The following MRPS14 variants were observed in gnomAD, a reference collection of about 807,000 sequenced individuals.
MRPS14 encodes the protein small ribosomal subunit protein uS14m.
Under a neutral mutation model 16.4 loss-of-function variants are expected in MRPS14, and 14 were observed. That is an observed-to-expected ratio of 0.85 (90% CI 0.56 to 1.33). The LOEUF (loss-of-function observed/expected upper bound fraction) is 1.33, where lower values mean the gene tolerates loss of function less well. Among genes scored for constraint, MRPS14 ranks in the 40% most tolerant of loss-of-function variants. The probability of loss-of-function intolerance (pLI) is 0.00; values close to 1 mark genes in which losing one functional copy is unlikely to be tolerated. For synonymous variants in MRPS14, 54 were observed against 61.9 expected, an observed-to-expected ratio of 0.87 and a Z score of 0.60; for missense variants, 162 against 176.8, an observed-to-expected ratio of 0.92 and a Z score of 0.48.
At chr1:175,018,315 C>T (rs888309548) in intron 2 of MRPS14, 103 bp downstream of exon 2, 1 of 1,143,534 alleles carries the variant, frequency 8.7e-7, no homozygotes, top group African/African-American at 1.6e-5. Context: ...TCTTATTCTC[C>T]AGAAATTATA....
rs967992491 is a variant in MRPS14 at position 175,013,011 on chromosome 1, T to C, written c.*1658A>G. 1 of 152,184 alleles carries C rather than the reference T, an allele frequency of 6.6e-6. No individual in the cohort carries two copies. Among genetic ancestry groups the C allele is most frequent in the African/African-American group, 2.4e-5 (1 of 41,432 alleles). 9.4% of individuals were successfully genotyped at this position (152,184 alleles called of 1,614,324 possible). On this transcript the variant is annotated 3_prime_UTR_variant, in exon 3 of 3. Coordinates refer to ENST00000476371, the MANE Select transcript of MRPS14 (RefSeq NM_022100.3). ...GGAAGTACACAAAATGTTCAAACTA[T>C]AGCATGTATATATATCAAGTTGGCA...
chr1:175,019,511 G>A (rs924525661), intron 1 of MRPS14, among the ~76,000 whole-genome samples: 1 of 152,048 alleles, frequency 6.6e-6, no homozygotes, highest in Non-Finnish European at 1.5e-5. Context: ...GGCCACGCTG[G>A]TCTTGAACTC....
At chr1:175,018,703 A>C (rs1672926297) in intron 1 of MRPS14, 127 bp from the exon 2 acceptor site, 4 of 776,746 alleles carry the variant, frequency 5.1e-6, no homozygotes, top group Non-Finnish European at 7.7e-6. Flanking sequence ...GTTTTAGATC[A>C]GTTTAATAGT....
At chr1:175,021,684 C>G (rs1051678101) in intron 1 of MRPS14, among the ~76,000 whole-genome samples, 3 of 152,136 alleles carry the variant, frequency 2.0e-5, no homozygotes, top group African/African-American at 7.2e-5. Flanking sequence ...ACCATCAACT[C>G]TCTGGCCCCT....
At chr1:175,019,571 T>C (rs1007282361) in intron 1 of MRPS14, among the ~76,000 whole-genome samples, 9 of 152,176 alleles carry the variant, frequency 5.9e-5, no homozygotes. Flanking sequence ...GCTGAGATTA[T>C]AGGCATGAGC....
rs942194060 is a variant in MRPS14 at position 175,020,272 on chromosome 1, T to C, written c.46-1696A>G. Among the ~76,000 whole-genome samples, 4 of 152,250 alleles carry C rather than the reference T, an allele frequency of 2.6e-5. No individual in the cohort carries two copies. In the East Asian group the frequency reaches 7.7e-4, roughly 29 times the overall value. ...CATGGAAAAGAACAAGATATATTCA[T>C]AAGATCAAGGAGAAATCAAAGAAAC... On this transcript the variant is annotated intron_variant, in intron 1 of 2. Coordinates refer to ENST00000476371, the MANE Select transcript of MRPS14 (RefSeq NM_022100.3).
In MRPS14 at chr1:175,014,928, ATTTTC is replaced by A. The variant is rs1323285354; in HGVS notation, c.205-82_205-78del. 1.9e-3 allele frequency: 2,190 copies of A among 1,135,556 alleles called. 102 individuals carry two copies. Among genetic ancestry groups the A allele is most frequent in the South Asian group, 3.2e-3 (193 of 61,168 alleles). The allele number at this position is 1,135,556 out of a possible 1,614,324, so 70.3% of individuals were successfully genotyped here. On this transcript the variant is annotated intron_variant, in intron 2 of 2. Transcript: ENST00000476371. ...TTTTGCTCCTTCTCACTTGCAGGTA[ATTTTC>A]TTTTCTTTTTTTTTTTTTTTTGAGA...
At chr1:175,020,606 T>C (rs1366534235) in intron 1 of MRPS14, among the ~76,000 whole-genome samples, 2 of 152,096 alleles carry the variant, frequency 1.3e-5, no homozygotes, top group Non-Finnish European at 1.5e-5. Flanking sequence ...CCTCCCAGGT[T>C]CAAGCGATTC....
chr1:175,022,739 A>T (rs1673002799), intron 1 of MRPS14, among the ~76,000 whole-genome samples: 1 of 140,494 alleles, frequency 7.1e-6, no homozygotes, highest in South Asian at 2.3e-4. Flanking sequence ...CCCGTTATTG[A>T]CCCATTTTTT....
chr1:175,018,501 G>A lies in MRPS14; in HGVS notation c.121C>T (p.Arg41Ter), dbSNP rs200414977. 8.7e-5 allele frequency: 140 copies of A among 1,612,866 alleles called. No homozygotes were observed. Among genetic ancestry groups the A allele is most frequent in the Non-Finnish European group, 7.5e-5 (88 of 1,179,782 alleles). Residue 41 changes from arginine to a stop codon, truncating the protein, a stop_gained, in exon 2 of 3, where the codon CGA becomes TGA. Coordinates refer to ENST00000476371, the MANE Select transcript of MRPS14 (RefSeq NM_022100.3). LOFTEE classifies it high-confidence loss of function. ...DWRMWRDVKR[R>*]KMAYEYADER... ...TCTGCGTATTCATAGGCCATTTTTC[G>A]TCTCTTCACATCGCGCCACATTCTC...
intron 2 of MRPS14, among the ~76,000 whole-genome samples, chr1:175,015,996 G>A (rs1019052996): frequency 1.3e-5 from 2 of 152,016 alleles, no homozygotes; most frequent in African/African-American, 2.4e-5. Context: ...TCAAGAGTTC[G>A]CGACCAGCCT....
chr1:175,018,050 G>A (rs1337684445), intron 2 of MRPS14, among the ~76,000 whole-genome samples: 1 of 152,090 alleles, frequency 6.6e-6, no homozygotes, highest in Non-Finnish European at 1.5e-5. Flanking sequence ...CTTTAACCTG[G>A]GAGGCGGAGG....
chr1:175,018,004 AT>A (rs879299974), intron 2 of MRPS14, among the ~76,000 whole-genome samples: 2 of 152,118 alleles, frequency 1.3e-5, no homozygotes, highest in Admixed American at 1.3e-4. Context: ...TGTGCCTGTA[AT>A]CCCAGTTACT....
chr1:175,014,947 T>G, intron 2 of MRPS14, 96 bp from the exon 3 acceptor site: 1 of 1,301,192 alleles, frequency 7.7e-7, no homozygotes, highest in South Asian at 1.3e-5. Flanking sequence ...TCTTTTTTTT[T>G]TTTTTTTGAG....
intron 1 of MRPS14, among the ~76,000 whole-genome samples, chr1:175,022,173 CTAG>C (rs1284926072): frequency 6.6e-6 from 1 of 150,752 alleles, no homozygotes; most frequent in East Asian, 1.9e-4. Flanking sequence ...GTTTGAAAAT[CTAG>C]TATGAAAAAA....
rs1185365332 is a variant in MRPS14, at chr1:175,015,140, G to T, written c.205-289C>A. On this transcript the variant is annotated intron_variant, in intron 2 of 2. Coordinates refer to ENST00000476371, the MANE Select transcript of MRPS14 (RefSeq NM_022100.3). Reference sequence around the variant, plus strand: ...TTTTTTGTATTATTAGTAGAAACGGGGTTTCACCACGTTGCCCAGGCTGGT... The same window carrying T: ...TTTTTTGTATTATTAGTAGAAACGGTGTTTCACCACGTTGCCCAGGCTGGT... Among the ~76,000 whole-genome samples the T allele has an allele frequency of 2.6e-5, 4 of 151,786 alleles. No homozygotes were observed. In the East Asian group the frequency reaches 7.7e-4, roughly 29 times the overall value.
intron 1 of MRPS14, among the ~76,000 whole-genome samples, chr1:175,021,200 TAC>T (rs796948173): frequency 3.3e-5 from 5 of 152,300 alleles, no homozygotes; most frequent in African/African-American, 1.2e-4. Flanking sequence ...TTGGGCTTAC[TAC>T]CTTCCACTCC....
At chr1:175,019,122 T>C (rs1672934371) in intron 1 of MRPS14, among the ~76,000 whole-genome samples, 2 of 152,200 alleles carry the variant, frequency 1.3e-5, no homozygotes, top group South Asian at 4.1e-4. Context: ...CCCATTTTCT[T>C]CATATTGCAT....
In MRPS14 at chr1:175,014,727, A is replaced by C; in HGVS notation, c.329T>G (p.Val110Gly). ...CCCATGGTCAGCTAAGTGACGGAAG[A>C]CTATACGACTAAGCCTCCAGCGCCG... is the stretch of plus-strand genomic sequence containing the variant. ...VKRRWRLSRI[V>G]FRHLADHGQL... Residue 110 changes from valine (V) to glycine (G), a missense_variant, in exon 3 of 3, where the codon GTC (valine) becomes GGC (glycine). Coordinates refer to ENST00000476371, the MANE Select transcript of MRPS14 (RefSeq NM_022100.3). 6.2e-7 allele frequency: 1 copy of C among 1,613,960 alleles called. No individual in the cohort carries two copies. Among genetic ancestry groups the C allele is most frequent in the Non-Finnish European group, 8.5e-7 (1 of 1,179,972 alleles).
Sources: allele counts gnomAD v4.1 joint callset (sites outside exome capture counted in the v4.1 genomes callset), GRCh38; gene constraint gnomAD v4.1.1; transcripts MANE v1.5; gene names NCBI Gene and HGNC (gene_info 2026-07-23, HGNC 2026-07-21).